AK5: variants seen among roughly 807,000 people sequenced by gnomAD.
The protein encoded by AK5 is adenylate kinase isoenzyme 5.
AK5 carries 27 observed loss-of-function variants against 69.5 expected under a neutral mutation model. That is an observed-to-expected ratio of 0.39 (90% CI 0.29 to 0.54). The LOEUF (loss-of-function observed/expected upper bound fraction) is 0.54. AK5 is among the 20% of genes least tolerant of loss of function. AK5 has a pLI of 0.71. For synonymous variants in AK5, 260 were observed against 244.4 expected, an observed-to-expected ratio of 1.06 and a Z score of -0.60; for missense variants, 531 against 700.4, an observed-to-expected ratio of 0.76 and a Z score of 2.73.
At chr1:77,433,324 A>C (rs1301119401) in intron 8 of AK5, among the ~76,000 whole-genome samples, 3 of 152,208 alleles carry the variant, frequency 2.0e-5, no homozygotes, top group Non-Finnish European at 4.4e-5. Flanking sequence ...AATCACAGTA[A>C]GACTAATTTG....
intron 6 of AK5, among the ~76,000 whole-genome samples, chr1:77,385,047 G>T (rs1157006070): frequency 1.3e-5 from 2 of 152,178 alleles, no homozygotes; most frequent in Non-Finnish European, 2.9e-5. Flanking sequence ...TTGCTATTAA[G>T]TGGGTGAGAT....
chr1:77,289,117 C>T (rs974363094), intron 2 of AK5, among the ~76,000 whole-genome samples: 5 of 152,150 alleles, frequency 3.3e-5, no homozygotes, highest in East Asian at 3.9e-4. Flanking sequence ...ATAAAGTTCA[C>T]GCTTTGTAAA....
At chr1:77,287,670 C>T (rs774676740) in intron 2 of AK5, among the ~76,000 whole-genome samples, 4 of 152,100 alleles carry the variant, frequency 2.6e-5, no homozygotes, top group Non-Finnish European at 5.9e-5. Flanking sequence ...ATTGGGCAAC[C>T]CCCAGAAACA....
At chr1:77,468,854 G>A (rs1158750404) in intron 8 of AK5, among the ~76,000 whole-genome samples, 6 of 152,198 alleles carry the variant, frequency 3.9e-5, no homozygotes, top group African/African-American at 1.4e-4. Context: ...AAGACAAACA[G>A]GAGCTATAAA....
chr1:77,388,644 A>T (rs1648191899), intron 6 of AK5, among the ~76,000 whole-genome samples: 3 of 152,082 alleles, frequency 2.0e-5, no homozygotes, highest in Admixed American at 6.6e-5. Context: ...AGAATGAAAA[A>T]CGTGGGAGAA....
rs1164025597 is a variant in AK5, at chr1:77,556,667, C to CCT, written c.1621-1932_1621-1931dup. Among the ~76,000 whole-genome samples the CCT allele has an allele frequency of 2.0e-5, 3 of 152,278 alleles. No individual in the cohort carries two copies. The East Asian group carries it at 5.8e-4, about 29-fold the overall frequency. ...TTGATATTGTTGAGAATTCACTCTA[C>CCT]CTCTGGAAGCAGTGAAAGCCCTAGG... On this transcript the variant is annotated intron_variant, in intron 13 of 13. Coordinates refer to ENST00000354567, the MANE Select transcript of AK5 (RefSeq NM_174858.3).
intron 6 of AK5, among the ~76,000 whole-genome samples, chr1:77,373,376 A>C (rs1352134914): frequency 1.3e-5 from 2 of 152,226 alleles, no homozygotes; most frequent in Non-Finnish European, 2.9e-5. Context: ...AATTGCTTAC[A>C]TATATTAATA....
intron 13 of AK5, among the ~76,000 whole-genome samples, chr1:77,551,460 T>C (rs1659819719): frequency 6.6e-6 from 1 of 152,168 alleles, no homozygotes. Context: ...AGTACATGAC[T>C]CTGACTGGTT....
chr1:77,426,237 A>G (rs1651198055), intron 8 of AK5, among the ~76,000 whole-genome samples: 1 of 152,186 alleles, frequency 6.6e-6, no homozygotes, highest in African/African-American at 2.4e-5. Flanking sequence ...TCTACAAGAA[A>G]CCCACTTTTA....
intron 6 of AK5, among the ~76,000 whole-genome samples, chr1:77,341,588 G>A (rs1661656438): frequency 6.6e-6 from 1 of 152,196 alleles, no homozygotes; most frequent in South Asian, 2.1e-4. Context: ...CTGTGATCTT[G>A]ACAATTCCTG....
intron 6 of AK5, among the ~76,000 whole-genome samples, chr1:77,380,660 G>C (rs529871519): frequency 6.6e-5 from 10 of 152,296 alleles, no homozygotes; most frequent in African/African-American, 2.2e-4. Flanking sequence ...CATGATCCCT[G>C]ACCTCAAGGA....
intron 8 of AK5, among the ~76,000 whole-genome samples, chr1:77,437,949 C>G (rs535306822): frequency 1.3e-5 from 2 of 152,190 alleles, no homozygotes; most frequent in East Asian, 3.9e-4. Context: ...CCTTCTTAGA[C>G]TATCTAGCTT....
chr1:77,300,891 A>AT (rs1002194289), intron 5 of AK5, among the ~76,000 whole-genome samples: 24 of 152,028 alleles, frequency 1.6e-4, no homozygotes, highest in Non-Finnish European at 2.4e-4. Context: ...ATACAACTAT[A>AT]TTTTTTTTAT....
At chr1:77,412,111 G>A (rs1050241781) in intron 7 of AK5, among the ~76,000 whole-genome samples, 8 of 152,176 alleles carry the variant, frequency 5.3e-5, no homozygotes, top group African/African-American at 1.9e-4. Context: ...ATATCTAACT[G>A]CTAGATATCC....
At chr1:77,323,422 A>G (rs1441727043) in intron 5 of AK5, among the ~76,000 whole-genome samples, 1 of 152,258 alleles carries the variant, frequency 6.6e-6, no homozygotes, top group Non-Finnish European at 1.5e-5. Flanking sequence ...TTGAATTTAT[A>G]TAGGAGAAAC....
At chr1:77,385,221 A>G (rs367685438) in intron 6 of AK5, among the ~76,000 whole-genome samples, 21 of 152,126 alleles carry the variant, frequency 1.4e-4, no homozygotes, top group Admixed American at 4.6e-4. Context: ...GTGCAGTGGC[A>G]CAATCTCGGC....
At chr1:77,486,435 C>CGT (rs1320671329) in intron 10 of AK5, 83 bp downstream of exon 10, 91 of 1,002,496 alleles carry the variant, frequency 9.1e-5, no homozygotes, top group Middle Eastern at 3.2e-4. Flanking sequence ...GTGGCTTACA[C>CGT]CTGTAATCCC....
Position 77,411,071 on chromosome 1 carries a change from G to A in AK5, c.982G>A (p.Gly328Ser), listed in dbSNP as rs1247334723. The change falls in exon 7 of 14, where the codon GGT (glycine) becomes AGT (serine). Residue 328 changes from glycine to serine, a missense_variant and splice_region_variant. Physicochemically the swap from Gly to Ser is moderately conservative, Grantham distance 56. Transcript: ENST00000354567. Reference sequence around the variant, plus strand: ...ATTTCCAAACAAAGAGGCTGCAGCAGGTAAGTCACTGTGTCCTTTAGACAA... The same window carrying A: ...ATTTCCAAACAAAGAGGCTGCAGCAAGTAAGTCACTGTGTCCTTTAGACAA... ...KLFPNKEAAA[G>S]SSDLDPSMIL... is the part of the protein sequence containing the mutation. 1 of 1,612,772 alleles carries A rather than the reference G, an allele frequency of 6.2e-7. No homozygotes were observed. The highest frequency in any genetic ancestry group is 1.1e-5 in the South Asian group (1 of 90,614).
In AK5 at chr1:77,521,998, G is replaced by A. The variant is rs1658017125; in HGVS notation, c.1428+55G>A. 5 of 1,327,026 alleles carry A rather than the reference G, an allele frequency of 3.8e-6. No individual in the cohort carries two copies. In the South Asian group the frequency reaches 7.1e-5, roughly 19 times the overall value. 82.2% of individuals were successfully genotyped at this position (1,327,026 alleles called of 1,614,324 possible). On this transcript the variant is annotated intron_variant, in intron 12 of 13. Transcript: ENST00000354567. The stretch of plus-strand genomic sequence containing the variant: ...AAGAAAAATAGGGGACATCCTTGAG[G>A]TTGGGTGATAATTCAAAGTCTATTT...
Sources: allele counts gnomAD v4.1 joint callset (sites outside exome capture counted in the v4.1 genomes callset), GRCh38; gene constraint gnomAD v4.1.1; transcripts MANE v1.5; gene names NCBI Gene and HGNC (gene_info 2026-07-23, HGNC 2026-07-21).